The following XRCC6 variants were observed in gnomAD, a reference collection of about 807,000 sequenced individuals.
XRCC6 encodes DNA repair protein Ku70.
A neutral mutation model predicts 65.7 loss-of-function variants in XRCC6; 5 were observed. That is an observed-to-expected ratio of 0.08 (90% confidence interval 0.04 to 0.16). The LOEUF (loss-of-function observed/expected upper bound fraction) is 0.16. Among genes scored for constraint, XRCC6 ranks in the 10% least tolerant of loss-of-function variants. The pLI is 1.00. For missense variants in XRCC6, 447 were observed against 738.1 expected, an observed-to-expected ratio of 0.61 and a Z score of 4.57; for synonymous variants, 270 against 270.6, an observed-to-expected ratio of 1.00 and a Z score of 0.02.
chr22:41,637,897 G>A, intron 6 of XRCC6, 106 bp downstream of exon 6: 1 of 1,305,630 alleles, frequency 7.7e-7, no homozygotes, highest in Non-Finnish European at 1.0e-6. Context: ...GGCCAAGGCA[G>A]GCGGATTGCT....
intron 3 of XRCC6, 45 bp downstream of exon 3, chr22:41,628,275 G>A (rs1187128080): frequency 6.5e-7 from 1 of 1,531,072 alleles, no homozygotes; most frequent in Admixed American, 1.7e-5. Context: ...AACAGTATTG[G>A]CTGGGCATGG....
At chr22:41,627,312 C>T (rs1424998178) in intron 2 of XRCC6, among the ~76,000 whole-genome samples, 1 of 151,942 alleles carries the variant, frequency 6.6e-6, no homozygotes, top group African/African-American at 2.4e-5. Flanking sequence ...ATAATCCCAG[C>T]TCTTAGGCCA....
chr22:41,662,106 T>C (rs2068105231), intron 12 of XRCC6, among the ~76,000 whole-genome samples: 1 of 152,044 alleles, frequency 6.6e-6, no homozygotes, highest in Non-Finnish European at 1.5e-5. Context: ...TTGGTGGGGA[T>C]GGTTAATGGG....
chr22:41,636,282 T>TTA, intron 4 of XRCC6, 31 bp downstream of exon 4: 2 of 1,563,970 alleles, frequency 1.3e-6, no homozygotes, highest in Middle Eastern at 3.5e-4. Flanking sequence ...AGCTTTTCCC[T>TTA]TATATATGAG....
chr22:41,637,812 A>G, intron 6 of XRCC6, 21 bp downstream of exon 6: 1 of 1,610,492 alleles, frequency 6.2e-7, no homozygotes, highest in Non-Finnish European at 8.5e-7. Context: ...AGCCCGGGTC[A>G]GCTGCCTACA....
chr22:41,621,849 C>A, intron 1 of XRCC6, 141 bp from the exon 2 acceptor site: 2 of 731,028 alleles, frequency 2.7e-6, no homozygotes, highest in South Asian at 1.8e-5. Flanking sequence ...GTCCGACTGC[C>A]GAGCTTTCGA....
intron 7 of XRCC6, 132 bp from the exon 8 acceptor site, chr22:41,650,591 G>A (rs1388064493): frequency 2.4e-6 from 2 of 834,252 alleles, no homozygotes; most frequent in Non-Finnish European, 3.8e-6. Context: ...GGAGAAGGAG[G>A]ATGCCCCAGG....
intron 9 of XRCC6, among the ~76,000 whole-genome samples, chr22:41,654,131 C>A (rs1442045938): frequency 6.6e-6 from 1 of 152,106 alleles, no homozygotes; most frequent in Non-Finnish European, 1.5e-5. Flanking sequence ...TTGACTTTAT[C>A]TTGTGCTTAT....
intron 3 of XRCC6, among the ~76,000 whole-genome samples, chr22:41,630,893 T>A (rs1405819519): frequency 1.3e-5 from 2 of 152,202 alleles, no homozygotes; most frequent in Non-Finnish European, 2.9e-5. Flanking sequence ...CCATCCGATT[T>A]CTCAATCTTT....
chr22:41,631,384 G>A (rs544477641), intron 3 of XRCC6, among the ~76,000 whole-genome samples: 9 of 149,846 alleles, frequency 6.0e-5, no homozygotes, highest in African/African-American at 2.0e-4. Flanking sequence ...GGCGGCTCCC[G>A]GACAGAGGGG....
intron 8 of XRCC6, 26 bp downstream of exon 8, chr22:41,650,917 T>A: frequency 6.2e-7 from 1 of 1,613,536 alleles, no homozygotes; most frequent in East Asian, 2.2e-5. Flanking sequence ...CATGGATGAG[T>A]GACTCTAACA....
chr22:41,622,458 C>G (rs1456048255), intron 2 of XRCC6, among the ~76,000 whole-genome samples: 1 of 152,084 alleles, frequency 6.6e-6, no homozygotes, highest in Non-Finnish European at 1.5e-5. Context: ...CTACACCAAC[C>G]AAAGAATAAA....
intron 7 of XRCC6, among the ~76,000 whole-genome samples, chr22:41,650,487 A>C (rs1204377185): frequency 1.3e-5 from 2 of 152,102 alleles, no homozygotes; most frequent in Admixed American, 6.6e-5. Context: ...CCACTCTAAA[A>C]CAGTTTGAAC....
intron 3 of XRCC6, among the ~76,000 whole-genome samples, chr22:41,628,984 A>C (rs1211475171): frequency 6.6e-6 from 1 of 151,492 alleles, no homozygotes; most frequent in African/African-American, 2.4e-5. Flanking sequence ...AAAAAAAAAA[A>C]AAAAACAATT....
intron 6 of XRCC6, 123 bp from the exon 7 acceptor site, chr22:41,646,773 T>A: frequency 3.6e-6 from 3 of 828,788 alleles, no homozygotes; most frequent in Non-Finnish European, 5.7e-6. Context: ...CATATTTATA[T>A]TTTGAGAGCT....
intron 6 of XRCC6, among the ~76,000 whole-genome samples, chr22:41,639,329 CTTTTTTTTTT>C (rs386395480): frequency 4.6e-5 from 3 of 64,560 alleles, no homozygotes; most frequent in East Asian, 5.8e-4. Context: ...GATTCTTTTT[CTTTTTTTTTT>C]TTTTTTTTTT....
At chr22:41,622,159 G>T in intron 2 of XRCC6, 73 bp downstream of exon 2, 1 of 1,518,146 alleles carries the variant, frequency 6.6e-7, no homozygotes, top group South Asian at 1.1e-5. Flanking sequence ...CTGCTGGATG[G>T]ACTTTGCTGT....
intron 1 of XRCC6, 132 bp downstream of exon 1, chr22:41,621,477 G>C (rs1307294924): frequency 1.2e-5 from 2 of 165,538 alleles, no homozygotes; most frequent in Non-Finnish European, 2.6e-5. Context: ...GCGAATCCGA[G>C]GAGCAGCGAC....
intron 8 of XRCC6, among the ~76,000 whole-genome samples, chr22:41,651,361 A>ATTTTTTTTTT (rs764795746): frequency 8.0e-5 from 4 of 49,758 alleles, no homozygotes; most frequent in Admixed American, 2.6e-4. Flanking sequence ...AGTTAAACAG[A>ATTTTTTTTTT]TTTTTTTTTT....
Sources: gnomAD v4.1 joint callset for allele counts (sites outside exome capture counted in the v4.1 genomes callset) on GRCh38, gnomAD v4.1.1 for gene constraint, MANE v1.5 for transcripts, NCBI Gene and HGNC (gene_info 2026-07-23, HGNC 2026-07-21) for gene names.